The following PHACTR3 variants were observed in gnomAD, a reference collection of about 807,000 sequenced individuals.
PHACTR3 encodes the protein protein phosphatase 1, regulatory subunit 123.
A neutral mutation model predicts 66.8 loss-of-function variants in PHACTR3; 16 were observed. The observed-to-expected ratio is 0.24, with a 90% CI of 0.16 to 0.36. The LOEUF (loss-of-function observed/expected upper bound fraction) is 0.36, where lower values mean the gene tolerates loss of function less well. PHACTR3 is among the 10% of genes least tolerant of loss of function. The probability of loss-of-function intolerance (pLI) is 1.00; values close to 1 mark genes in which losing one functional copy is unlikely to be tolerated. For missense variants in PHACTR3, 647 were observed against 719.9 expected, an observed-to-expected ratio of 0.90 and a Z score of 1.16; for synonymous variants, 323 against 292.1, an observed-to-expected ratio of 1.11 and a Z score of -1.08.
At chr20:59,722,226 T>C (rs770705362) in intron 1 of PHACTR3, among the ~76,000 whole-genome samples, 13 of 150,402 alleles carry the variant, frequency 8.6e-5, no homozygotes, top group Non-Finnish European at 1.6e-4. Flanking sequence ...AGTGAGACTC[T>C]GTCTCAAAAA....
intron 8 of PHACTR3, among the ~76,000 whole-genome samples, chr20:59,827,685 G>A (rs1431954353): frequency 2.0e-5 from 3 of 152,146 alleles, no homozygotes; most frequent in Non-Finnish European, 4.4e-5. Context: ...GTGCTGCCCT[G>A]GGAGGGAGCC....
intron 1 of PHACTR3, among the ~76,000 whole-genome samples, chr20:59,741,769 T>C (rs1316416436): frequency 1.6e-5 from 2 of 126,272 alleles, no homozygotes; most frequent in Non-Finnish European, 3.4e-5. Context: ...TTTTTTTTTT[T>C]CTTCTTTTTT....
Position 59,605,109 on chromosome 20 carries a change from C to T in PHACTR3, c.95C>T (p.Ser32Phe). The stretch of plus-strand genomic sequence containing the variant: ...CTCACCGACTCCTCGGCCACCTCCT[C>T]CGCGGACGCCGGGGAGAACCCAGGT... ...SVLTDSSATS[S>F]ADAGENPDEM... The change falls in exon 1 of 13, where the codon TCC becomes TTC. Residue 32 changes from serine to phenylalanine, a missense_variant. Physicochemically the swap from Ser to Phe is radical, Grantham distance 155. This residue lies in a region of PHACTR3 where 577 missense variants were observed against 571.1 expected (regional missense o/e 1.01). Transcript: ENST00000371015. 3.6e-6 allele frequency: 5 copies of T among 1,381,646 alleles called. No individual in the cohort carries two copies. The highest frequency in any genetic ancestry group is 3.1e-5 in the East Asian group (1 of 32,664). The allele number at this position is 1,381,646 out of a possible 1,614,324, so 85.6% of individuals were successfully genotyped here. A position where few individuals can be genotyped will look rare whatever the true frequency, so the allele number is the denominator to read the frequency against.
chr20:59,645,266 A>C (rs1189198480), intron 1 of PHACTR3, among the ~76,000 whole-genome samples: 1 of 138,490 alleles, frequency 7.2e-6, no homozygotes, highest in Non-Finnish European at 1.5e-5. Context: ...TTCTCCATGC[A>C]TCATGAGTCC....
Position 59,707,383 on chromosome 20 carries a change from G to A in PHACTR3, c.119-35724G>A, listed in dbSNP as rs889345489. 3.9e-5 allele frequency among the ~76,000 whole-genome samples: 6 copies of A among 152,138 alleles called. No individual in the cohort carries two copies. In the South Asian group the frequency reaches 1.2e-3, roughly 32 times the overall value. On this transcript the variant is annotated intron_variant, in intron 1 of 12. Coordinates refer to ENST00000371015, the MANE Select transcript of PHACTR3 (RefSeq NM_080672.5). ...CCTAGTGGCTTGGGGCCCTCCCCAT[G>A]GTGATGAGTTCCTGACAGCTGGTAG...
chr20:59,633,020 G>A (rs916429171), intron 1 of PHACTR3, among the ~76,000 whole-genome samples: 1 of 152,248 alleles, frequency 6.6e-6, no homozygotes, highest in Admixed American at 6.5e-5. Flanking sequence ...TGGGGTGCAC[G>A]GGGGCAGGAA....
intron 3 of PHACTR3, among the ~76,000 whole-genome samples, chr20:59,750,568 G>T (rs938971165): frequency 6.6e-6 from 1 of 152,182 alleles, no homozygotes; most frequent in African/African-American, 2.4e-5. Flanking sequence ...AAGCAGGAAA[G>T]GGAGAGGGGC....
intron 8 of PHACTR3, among the ~76,000 whole-genome samples, chr20:59,812,324 C>G (rs1444700387): frequency 6.6e-6 from 1 of 152,240 alleles, no homozygotes; most frequent in Non-Finnish European, 1.5e-5. Context: ...TTAGCATGTT[C>G]ATACAGCAGT....
intron 1 of PHACTR3, among the ~76,000 whole-genome samples, chr20:59,729,113 G>A (rs1381073432): frequency 6.6e-6 from 1 of 152,084 alleles, no homozygotes; most frequent in Non-Finnish European, 1.5e-5. Context: ...CCAAAGGGAG[G>A]CCTAACTCCT....
chr20:59,599,353 A>G (rs1417418808), intron 1 of PHACTR3, among the ~76,000 whole-genome samples: 1 of 152,214 alleles, frequency 6.6e-6, no homozygotes, highest in African/African-American at 2.4e-5. Flanking sequence ...TCCTTGGCCC[A>G]TCAGCTCCCC....
intron 1 of PHACTR3, among the ~76,000 whole-genome samples, chr20:59,586,169 C>T (rs2033022449): frequency 6.6e-6 from 1 of 152,348 alleles, no homozygotes. Flanking sequence ...CATTCTGCCT[C>T]CTGGAGGCCG....
At chr20:59,660,512 A>C (rs1473348852) in intron 1 of PHACTR3, among the ~76,000 whole-genome samples, 1 of 152,178 alleles carries the variant, frequency 6.6e-6, no homozygotes, top group Non-Finnish European at 1.5e-5. Flanking sequence ...CAAACAAACA[A>C]AAAACTCACT....
At chr20:59,749,528 G>A (rs562708878) in intron 3 of PHACTR3, among the ~76,000 whole-genome samples, 2 of 152,320 alleles carry the variant, frequency 1.3e-5, no homozygotes, top group Non-Finnish European at 2.9e-5. Flanking sequence ...CTGCTGCCGT[G>A]GGAGCCTGGT....
At chr20:59,792,744 C>G (rs1170098212) in intron 7 of PHACTR3, among the ~76,000 whole-genome samples, 1 of 152,062 alleles carries the variant, frequency 6.6e-6, no homozygotes, top group Non-Finnish European at 1.5e-5. Context: ...TCCCATTTTT[C>G]AAAATTAGGT....
At chr20:59,720,305 A>G (rs983534779) in intron 1 of PHACTR3, among the ~76,000 whole-genome samples, 1 of 152,212 alleles carries the variant, frequency 6.6e-6, no homozygotes, top group Non-Finnish European at 1.5e-5. Context: ...TACATGATCA[A>G]TAAACACAAA....
intron 7 of PHACTR3, among the ~76,000 whole-genome samples, chr20:59,782,776 G>A (rs1382541749): frequency 6.6e-6 from 1 of 152,138 alleles, no homozygotes; most frequent in East Asian, 1.9e-4. Context: ...GGAATTATGG[G>A]AGCTACAATT....
At chr20:59,640,117 T>C (rs191453872) in intron 1 of PHACTR3, among the ~76,000 whole-genome samples, 1 of 152,354 alleles carries the variant, frequency 6.6e-6, no homozygotes, top group East Asian at 1.9e-4. Flanking sequence ...GATTCAGACC[T>C]ACTTGTCTCA....
intron 11 of PHACTR3, among the ~76,000 whole-genome samples, chr20:59,842,164 G>A (rs1211174124): frequency 6.6e-6 from 1 of 152,180 alleles, no homozygotes; most frequent in Non-Finnish European, 1.5e-5. Context: ...GACATTTGGT[G>A]AGCACAGAGA....
intron 1 of PHACTR3, among the ~76,000 whole-genome samples, chr20:59,586,149 G>T (rs2033021878): frequency 6.6e-6 from 1 of 152,204 alleles, no homozygotes; most frequent in African/African-American, 2.4e-5. Context: ...GCCCTGGCCT[G>T]CTCTGTGGTC....
Sources: allele counts gnomAD v4.1 joint callset (sites outside exome capture counted in the v4.1 genomes callset), GRCh38; gene constraint gnomAD v4.1.1; regional missense constraint gnomAD v4.1.1; transcripts MANE v1.5; gene names NCBI Gene and HGNC (gene_info 2026-07-23, HGNC 2026-07-21).